The following FNBP1 variants were observed in gnomAD, a reference collection of about 807,000 sequenced individuals.
FNBP1 encodes the protein formin binding protein 1.
In FNBP1, 26 loss-of-function variants were observed where a neutral mutation model predicts 90.6. The ratio of observed to expected loss-of-function variants is 0.29; its 90% confidence interval spans 0.21 to 0.40. The LOEUF (loss-of-function observed/expected upper bound fraction) is 0.40. Among genes scored for constraint, FNBP1 ranks in the 10% least tolerant of loss-of-function variants. The pLI is 1.00. For synonymous variants in FNBP1, 260 were observed against 265.2 expected, an observed-to-expected ratio of 0.98 and a Z score of 0.19; for missense variants, 635 against 768.0, an observed-to-expected ratio of 0.83 and a Z score of 2.05.
intron 1 of FNBP1, among the ~76,000 whole-genome samples, chr9:130,015,859 G>C (rs1252497916): frequency 1.3e-5 from 2 of 152,140 alleles, no homozygotes; most frequent in East Asian, 3.8e-4. Context: ...ATCTTTTGTA[G>C]AGATGGGGTT....
At chr9:129,905,886 T>TG (rs1308695755) in intron 12 of FNBP1, among the ~76,000 whole-genome samples, 2 of 151,240 alleles carry the variant, frequency 1.3e-5, no homozygotes, top group African/African-American at 2.4e-5. Context: ...TTTCTTTTTT[T>TG]TTTTGTTTTT....
Position 129,890,612 on chromosome 9 carries a change from G to A in FNBP1, c.1847-66C>T. The A allele has an allele frequency of 6.9e-7, 1 of 1,454,420 alleles. No individual in the cohort carries two copies. Among genetic ancestry groups the A allele is most frequent in the Non-Finnish European group, 9.4e-7 (1 of 1,058,520 alleles). The allele number at this position is 1,454,420 out of a possible 1,614,324, so 90.1% of individuals were successfully genotyped here. On this transcript the variant is annotated intron_variant, in intron 16 of 16. Coordinates refer to ENST00000446176, the MANE Select transcript of FNBP1 (RefSeq NM_015033.3). This position sits in a 1 kb window ranked among gnomAD's most constrained non-coding sequence, Gnocchi z 5.8. ...GAGAGGAAGGCGCGGGTTCCAGGCGGGCATTTTGCTCTTGGCTACAAACTG... is the reference window on the plus strand; with the variant it reads ...GAGAGGAAGGCGCGGGTTCCAGGCGAGCATTTTGCTCTTGGCTACAAACTG...
rs1266302940 is a variant in FNBP1 at position 129,903,040 on chromosome 9, C to T, written c.1296-39G>A. 1.9e-6 allele frequency: 3 copies of T among 1,540,992 alleles called. No individual in the cohort carries two copies. The South Asian group carries it at 3.6e-5, about 19-fold the overall frequency. On this transcript the variant is annotated intron_variant, in intron 12 of 16. Coordinates refer to ENST00000446176, the MANE Select transcript of FNBP1 (RefSeq NM_015033.3). ...CGAGTAGAATGCTGTAAAGGTTACT[C>T]CATTTTTTTTTTAGACAGTTTCACT...
At chr9:129,941,467 A>G (rs1564388357) in intron 6 of FNBP1, among the ~76,000 whole-genome samples, 1 of 152,156 alleles carries the variant, frequency 6.6e-6, no homozygotes, top group Non-Finnish European at 1.5e-5. Flanking sequence ...CAATGAAATT[A>G]CATTTTGTTT....
chr9:129,990,927 C>G lies in FNBP1; in HGVS notation c.140+3916G>C, dbSNP rs539654774. On this transcript the variant is annotated intron_variant, in intron 2 of 16. Transcript: ENST00000446176. ...AAGGCAGACAGAGATGATGATGACA[C>G]CAGGGTTTTTTTTTTTTTTTTTTTG... Among the ~76,000 whole-genome samples the G allele has an allele frequency of 2.0e-5, 3 of 146,654 alleles. No individual in the cohort carries two copies. The South Asian group carries it at 6.5e-4, about 32-fold the overall frequency.
chr9:129,907,580 G>GGGGTGTGTGTGTGTGTGTGT (rs942734835), intron 12 of FNBP1, among the ~76,000 whole-genome samples: 6 of 147,204 alleles, frequency 4.1e-5, no homozygotes, highest in African/African-American at 1.5e-4. Context: ...TAGGAGTGAG[G>GGGGTGTGTGTGTGTGTGTGT]GTGTGTGTGT....
chr9:129,948,228 A>G (rs2045626195), intron 6 of FNBP1, among the ~76,000 whole-genome samples: 1 of 152,008 alleles, frequency 6.6e-6, no homozygotes, highest in African/African-American at 2.4e-5. Flanking sequence ...AGTTTTGATC[A>G]CACTACTGCA....
At chr9:130,022,689 G>A (rs1554865809) in intron 1 of FNBP1, among the ~76,000 whole-genome samples, 1 of 151,810 alleles carries the variant, frequency 6.6e-6, no homozygotes, top group African/African-American at 2.4e-5. Flanking sequence ...TTGAGACAGG[G>A]TTTCACTCTG....
intron 11 of FNBP1, among the ~76,000 whole-genome samples, chr9:129,914,581 G>A (rs2131660668): frequency 6.6e-6 from 1 of 151,814 alleles, no homozygotes; most frequent in South Asian, 2.1e-4. Flanking sequence ...GTTCATTTAA[G>A]TATCTAGATC....
intron 4 of FNBP1, among the ~76,000 whole-genome samples, chr9:129,970,488 A>G (rs2049287476): frequency 6.6e-6 from 1 of 152,144 alleles, no homozygotes; most frequent in African/African-American, 2.4e-5. Flanking sequence ...TTACAGGCAT[A>G]AGACACTGCG....
intron 8 of FNBP1, among the ~76,000 whole-genome samples, chr9:129,925,589 C>CTTTTTTTTTTT (rs576015094): frequency 6.0e-5 from 4 of 67,124 alleles, no homozygotes; most frequent in South Asian, 7.5e-4. Flanking sequence ...TTCCTAGTAG[C>CTTTTTTTTTTT]TTTTTTTTTT....
intron 1 of FNBP1, among the ~76,000 whole-genome samples, chr9:130,034,244 C>T (rs892634789): frequency 4.7e-5 from 7 of 149,056 alleles, no homozygotes; most frequent in South Asian, 2.1e-4. Flanking sequence ...ACTCGGGAGG[C>T]GGAGATTGCA....
At chr9:129,893,783 G>A (rs2035371116) in intron 16 of FNBP1, among the ~76,000 whole-genome samples, 1 of 151,660 alleles carries the variant, frequency 6.6e-6, no homozygotes, top group African/African-American at 2.4e-5. Flanking sequence ...GGGCATGGTG[G>A]CACACGCCTG....
At chr9:129,994,700 G>T (rs1589140502) in intron 2 of FNBP1, 143 bp downstream of exon 2, 5 of 389,502 alleles carry the variant, frequency 1.3e-5, no homozygotes, top group East Asian at 1.2e-4. Flanking sequence ...TTTTCTGTAT[G>T]AAAAACAATC....
chr9:130,021,117 T>C (rs1048556228), intron 1 of FNBP1, among the ~76,000 whole-genome samples: 2 of 152,202 alleles, frequency 1.3e-5, no homozygotes, highest in Non-Finnish European at 2.9e-5. Flanking sequence ...AAGTGGTCAT[T>C]CAGAACAGGT....
At chr9:130,018,697 C>T (rs962090594) in intron 1 of FNBP1, among the ~76,000 whole-genome samples, 4 of 152,128 alleles carry the variant, frequency 2.6e-5, no homozygotes, top group Non-Finnish European at 5.9e-5. Context: ...CCCATCTCTG[C>T]CTCCCAAAGT....
intron 11 of FNBP1, 122 bp from the exon 12 acceptor site, chr9:129,909,121 T>C: frequency 1.3e-6 from 1 of 743,740 alleles, no homozygotes; most frequent in Non-Finnish European, 2.4e-6. Flanking sequence ...TGAAATAGAT[T>C]AAGCTCTTTC....
chr9:129,913,906 G>T (rs955514855), intron 11 of FNBP1, among the ~76,000 whole-genome samples: 1 of 151,632 alleles, frequency 6.6e-6, no homozygotes, highest in African/African-American at 2.4e-5. Context: ...TTTGAGACAG[G>T]GTTTCATTCT....
chr9:129,900,455 T>G lies in FNBP1; in HGVS notation c.1521A>C (p.Thr507=), dbSNP rs760790973. Residue 507 remains threonine, a synonymous_variant, in exon 14 of 17, where the codon ACA becomes ACC. Transcript: ENST00000446176. The surrounding 1 kb of genome is among the most constrained non-coding windows in gnomAD (Gnocchi z 4.1). ...CACGGTCCTGGGCGCAGTTGTTGACTGTGGGTGGGTTCTGGCTGTCGTACA... is the reference window on the plus strand; with the variant it reads ...CACGGTCCTGGGCGCAGTTGTTGACGGTGGGTGGGTTCTGGCTGTCGTACA... ...SGLYDSQNPP[T]VNNCAQDRES... The G allele has an allele frequency of 8.1e-6, 13 of 1,603,928 alleles. 1 individual carries two copies. Among genetic ancestry groups the G allele is most frequent in the Non-Finnish European group, 1.0e-5 (12 of 1,175,750 alleles).
Sources: gnomAD v4.1 joint callset for allele counts (sites outside exome capture counted in the v4.1 genomes callset) on GRCh38, gnomAD v4.1.1 for gene constraint, Gnocchi (gnomAD v3.1) non-coding constraint, MANE v1.5 for transcripts, NCBI Gene and HGNC (gene_info 2026-07-23, HGNC 2026-07-21) for gene names.